BANK1: variants seen among roughly 807,000 people sequenced by gnomAD.
The protein encoded by BANK1 is B-cell scaffold protein with ankyrin repeats.
A neutral mutation model predicts 94.5 loss-of-function variants in BANK1; 95 were observed. The observed-to-expected ratio is 1.00, with a 90% confidence interval of 0.85 to 1.19. BANK1 has a LOEUF of 1.19. Ranked by LOEUF, BANK1 falls within the 50% of genes most tolerant of loss-of-function variation. The pLI is 0.00. For synonymous variants in BANK1, 334 were observed against 308.4 expected, an observed-to-expected ratio of 1.08 and a Z score of -0.87; for missense variants, 987 against 932.2, an observed-to-expected ratio of 1.06 and a Z score of -0.77.
chr4:102,004,961 T>C (rs1225576350), intron 7 of BANK1, among the ~76,000 whole-genome samples: 1 of 152,112 alleles, frequency 6.6e-6, no homozygotes, highest in Non-Finnish European at 1.5e-5. Flanking sequence ...ATATGTGATC[T>C]CCTACATAGA....
intron 7 of BANK1, among the ~76,000 whole-genome samples, chr4:101,957,658 A>G (rs1724392901): frequency 2.6e-5 from 4 of 152,306 alleles, no homozygotes; most frequent in African/African-American, 9.6e-5. Context: ...TGCATTTTCC[A>G]CTTAAAGAGA....
chr4:101,873,994 AAGT>A (rs1418586824), intron 5 of BANK1, among the ~76,000 whole-genome samples: 2 of 152,206 alleles, frequency 1.3e-5, no homozygotes, highest in Non-Finnish European at 2.9e-5. Context: ...TTATTAATTT[AAGT>A]AGTAGGATCC....
intron 2 of BANK1, among the ~76,000 whole-genome samples, chr4:101,843,976 C>T (rs2148869083): frequency 6.6e-6 from 1 of 152,194 alleles, no homozygotes; most frequent in African/African-American, 2.4e-5. Context: ...AGAATAATTA[C>T]ATTCTTTTGG....
At chr4:102,065,415 A>C (rs1728557414) in intron 13 of BANK1, among the ~76,000 whole-genome samples, 2 of 152,196 alleles carry the variant, frequency 1.3e-5, no homozygotes, top group African/African-American at 4.8e-5. Flanking sequence ...AGTCTATACA[A>C]GTTCTTGACA....
chr4:101,792,186 T>C (rs1218910329), intron 1 of BANK1, among the ~76,000 whole-genome samples: 1 of 152,072 alleles, frequency 6.6e-6, no homozygotes, highest in Non-Finnish European at 1.5e-5. Flanking sequence ...CTATTGTGAA[T>C]AATGCAAGAG....
intron 5 of BANK1, among the ~76,000 whole-genome samples, chr4:101,893,068 G>T (rs1721934834): frequency 6.6e-6 from 1 of 151,996 alleles, no homozygotes; most frequent in Non-Finnish European, 1.5e-5. Flanking sequence ...ACTAACTATG[G>T]TGGGCTGGAA....
intron 2 of BANK1, among the ~76,000 whole-genome samples, chr4:101,844,902 G>A (rs989769968): frequency 6.7e-6 from 1 of 149,842 alleles, no homozygotes; most frequent in Non-Finnish European, 1.5e-5. Context: ...AACTGGGAAG[G>A]GTCCTTTTTT....
chr4:102,036,010 C>T (rs2148953125), intron 10 of BANK1, among the ~76,000 whole-genome samples: 1 of 152,290 alleles, frequency 6.6e-6, no homozygotes, highest in South Asian at 2.1e-4. Flanking sequence ...GTCCATAAAT[C>T]ATGCAAAGAG....
intron 7 of BANK1, among the ~76,000 whole-genome samples, chr4:101,948,893 T>G (rs1724035269): frequency 6.6e-6 from 1 of 152,154 alleles, no homozygotes; most frequent in Non-Finnish European, 1.5e-5. Flanking sequence ...TTGCCTTTAT[T>G]TAAAATTTTG....
rs139917324 is a variant in BANK1, at chr4:102,057,769, G to A, written c.1970-2442G>A. 2.1e-3 allele frequency among the ~76,000 whole-genome samples: 324 copies of A among 152,208 alleles called. 10 individuals are homozygous for A. In the East Asian group the frequency reaches 0.051, roughly 24 times the overall value. ...ACTTACAGCATGGTATATCTGGCAT[G>A]GATTGAAATGGTATGCATTCCATGG... On this transcript the variant is annotated intron_variant, in intron 11 of 16. Transcript: ENST00000322953.
intron 7 of BANK1, among the ~76,000 whole-genome samples, chr4:101,953,648 C>T (rs1044265966): frequency 1.3e-5 from 2 of 151,986 alleles, no homozygotes; most frequent in Non-Finnish European, 1.5e-5. Context: ...ATGCTCACTT[C>T]ACTGATAGTT....
chr4:101,950,054 T>C (rs60828079), intron 7 of BANK1, among the ~76,000 whole-genome samples: 59 of 55,916 alleles, frequency 1.1e-3, no homozygotes, highest in South Asian at 2.8e-3. Context: ...TGTGTGTGTG[T>C]GTGTGTGCGC....
At chr4:101,863,657 A>C (rs1254613354) in intron 4 of BANK1, among the ~76,000 whole-genome samples, 1 of 152,236 alleles carries the variant, frequency 6.6e-6, no homozygotes, top group South Asian at 2.1e-4. Context: ...TCCATACTAA[A>C]CATTTATAAA....
At chr4:101,802,112 GAGCCCTAGCCAGGGACC>G (rs1406362871) in intron 1 of BANK1, among the ~76,000 whole-genome samples, 1 of 152,194 alleles carries the variant, frequency 6.6e-6, no homozygotes, top group Non-Finnish European at 1.5e-5. Context: ...CCCGGGGATA[GAGCCCTAGCCAGGGACC>G]ACACCCTCCT....
chr4:101,895,618 A>G (rs555641077), intron 6 of BANK1, among the ~76,000 whole-genome samples: 2 of 151,996 alleles, frequency 1.3e-5, no homozygotes, highest in Non-Finnish European at 1.5e-5. Flanking sequence ...TTAAAAATGC[A>G]CGTAACTTTT....
intron 15 of BANK1, among the ~76,000 whole-genome samples, chr4:102,073,074 C>G (rs11947367): frequency 1.3e-4 from 19 of 151,660 alleles, no homozygotes; most frequent in Non-Finnish European, 2.7e-4. Context: ...TTATAATGAA[C>G]GAATTTTAAT....
At chr4:101,871,759 C>A (rs1254493707) in intron 5 of BANK1, among the ~76,000 whole-genome samples, 1 of 152,018 alleles carries the variant, frequency 6.6e-6, no homozygotes, top group Non-Finnish European at 1.5e-5. Flanking sequence ...ATATTCATAA[C>A]AAAAAAGATT....
chr4:102,011,672 A>G (rs1282984832), intron 7 of BANK1, among the ~76,000 whole-genome samples: 1 of 152,154 alleles, frequency 6.6e-6, no homozygotes, highest in Non-Finnish European at 1.5e-5. Context: ...TGTGGGGGGA[A>G]GTATGTTTCT....
chr4:102,054,522 T>G (rs1209513686), intron 11 of BANK1, among the ~76,000 whole-genome samples: 1 of 152,030 alleles, frequency 6.6e-6, no homozygotes, highest in Non-Finnish European at 1.5e-5. Flanking sequence ...ATCTCCCTCA[T>G]AAAAAGATAC....
Sources: gnomAD v4.1 joint callset for allele counts (sites outside exome capture counted in the v4.1 genomes callset) on GRCh38, gnomAD v4.1.1 for gene constraint, MANE v1.5 for transcripts, NCBI Gene and HGNC (gene_info 2026-07-23, HGNC 2026-07-21) for gene names.